Variants in NRTN observed in about 807,000 individuals in gnomAD.
NRTN encodes the protein neurturin.
In NRTN, 3 loss-of-function variants were observed where a neutral mutation model predicts 7.5. That is an observed-to-expected ratio of 0.40 (90% CI 0.18 to 1.03). NRTN has a LOEUF of 1.03. NRTN is among the 50% of genes least tolerant of loss of function. The pLI is 0.34. For missense variants in NRTN, 310 were observed against 307.0 expected, an observed-to-expected ratio of 1.01 and a Z score of -0.07; for synonymous variants, 157 against 146.6, an observed-to-expected ratio of 1.07 and a Z score of -0.51.
At position 5,824,116 on chromosome 19, in the gene NRTN, G is replaced by A. The variant is rs774095438; in HGVS notation, c.-50G>A. ...AGCGCCCTGTGCCCGTTGGCTGCTGGAGGGACAGACGGGGCGTGCGGCTGA... is the reference window on the plus strand; with the variant it reads ...AGCGCCCTGTGCCCGTTGGCTGCTGAAGGGACAGACGGGGCGTGCGGCTGA... On this transcript the variant is annotated 5_prime_UTR_variant, in exon 2 of 3. Coordinates refer to ENST00000303212, the MANE Select transcript of NRTN (RefSeq NM_004558.5). The A allele has an allele frequency of 1.3e-6, 2 of 1,599,006 alleles. No individual in the cohort carries two copies. Among genetic ancestry groups the A allele is most frequent in the Admixed American group, 3.3e-5 (2 of 59,982 alleles).
In NRTN at chr19:5,828,279, C is replaced by T; in HGVS notation, c.*106C>T. On this transcript the variant is annotated 3_prime_UTR_variant, in exon 3 of 3. Transcript: ENST00000303212. ...TGCGTAGAGCACGCCGGCGCGGCCC[C>T]GGGACTCTCGCGATAACTGTACTGA... 2.4e-6 allele frequency: 3 copies of T among 1,269,606 alleles called. No homozygotes were observed. Among genetic ancestry groups the T allele is most frequent in the Middle Eastern group, 2.7e-4 (1 of 3,708 alleles). 78.6% of individuals were successfully genotyped at this position (1,269,606 alleles called of 1,614,324 possible).
chr19:5,809,177 T>G (rs1207422201), intron 1 of NRTN, among the ~76,000 whole-genome samples: 4 of 151,252 alleles, frequency 2.6e-5, no homozygotes, highest in Non-Finnish European at 1.5e-5. Context: ...TGAGTTTTTT[T>G]TTTTTTTTTT....
rs7255720 is a variant in NRTN, at chr19:5,828,053, G to C, written c.474G>C (p.Arg158=). The change falls in exon 3 of 3, where the codon CGG becomes CGC. Residue 158 remains arginine (R), a synonymous_variant. Transcript: ENST00000303212. Reference sequence around the variant, plus strand: ...AGCGGCGGCGCCTGCGGCGGGAGCGGGTGCGCGCGCAGCCCTGCTGCCGCC... The same window carrying C: ...AGCGGCGGCGCCTGCGGCGGGAGCGCGTGCGCGCGCAGCCCTGCTGCCGCC... The part of the protein sequence containing the change: ...LRQRRRLRRE[R]VRAQPCCRPT... 73,799 of 1,427,226 alleles carry C rather than the reference G, an allele frequency of 0.052. 2,535 individuals carry two copies. The highest frequency in any genetic ancestry group is 0.13 in the African/African-American group (8,707 of 66,900). 88.4% of individuals were successfully genotyped at this position (1,427,226 alleles called of 1,614,324 possible).
rs1025268400 is a variant in NRTN, at chr19:5,823,808, C to T, written c.-358C>T. ...CCTCCTTGCTGTTCCTGGGATACGCCACACTCAGTCTGGCCTCGGGGCCTT... is the reference window on the plus strand; with the variant it reads ...CCTCCTTGCTGTTCCTGGGATACGCTACACTCAGTCTGGCCTCGGGGCCTT... On this transcript the variant is annotated 5_prime_UTR_variant, in exon 2 of 3. Transcript: ENST00000303212. The T allele has an allele frequency of 9.7e-6, 4 of 410,966 alleles. No individual in the cohort carries two copies. Among genetic ancestry groups the T allele is most frequent in the African/African-American group, 4.0e-5 (2 of 49,384 alleles). The allele number at this position is 410,966 out of a possible 1,614,324, so 25.5% of individuals were successfully genotyped here.
At chr19:5,823,007 G>T (rs562098300) in intron 1 of NRTN, among the ~76,000 whole-genome samples, 264 of 146,338 alleles carry the variant, frequency 1.8e-3, no homozygotes, top group African/African-American at 6.1e-3. Context: ...CTGGGTGACA[G>T]AGCAAGACCC....
intron 1 of NRTN, among the ~76,000 whole-genome samples, chr19:5,822,495 C>T (rs778812): frequency 0.35 from 53,520 of 152,084 alleles, 9,699 homozygotes; most frequent in East Asian, 0.54. Context: ...GTGTGGTGGG[C>T]GTGTACACGT....
chr19:5,810,602 T>C (rs1458732564), intron 1 of NRTN, among the ~76,000 whole-genome samples: 1 of 152,046 alleles, frequency 6.6e-6, no homozygotes, highest in Non-Finnish European at 1.5e-5. Context: ...TTGCTGGTGT[T>C]GTTATTGTTG....
intron 1 of NRTN, among the ~76,000 whole-genome samples, chr19:5,810,432 G>A (rs1363696607): frequency 6.6e-6 from 1 of 151,936 alleles, no homozygotes; most frequent in Non-Finnish European, 1.5e-5. Context: ...TACTTGCTGT[G>A]TGCCCTTGAA....
Position 5,806,316 on chromosome 19 carries a change from T to C in NRTN, c.-399+865T>C, listed in dbSNP as rs2144753943. ...AACGCATCCGACCTGCCCACAGGCC[T>C]GTGATTACCTGCAGGGCTCGTCATT... On this transcript the variant is annotated intron_variant, in intron 1 of 2. Coordinates refer to ENST00000303212, the MANE Select transcript of NRTN (RefSeq NM_004558.5). The surrounding 1 kb of genome is among the most constrained non-coding windows in gnomAD (Gnocchi z 5.4). Among the ~76,000 whole-genome samples, 1 of 152,124 alleles carries C rather than the reference T, an allele frequency of 6.6e-6. No homozygotes were observed. The highest frequency in any genetic ancestry group is 2.1e-4 in the South Asian group (1 of 4,814).
intron 1 of NRTN, among the ~76,000 whole-genome samples, chr19:5,821,418 C>A (rs984389646): frequency 2.0e-5 from 3 of 150,906 alleles, no homozygotes; most frequent in African/African-American, 7.3e-5. Flanking sequence ...GATTCTCCTG[C>A]CTCAGCCTCC....
chr19:5,812,671 G>T (rs73552420), intron 1 of NRTN, among the ~76,000 whole-genome samples: 207 of 152,318 alleles, frequency 1.4e-3, no homozygotes, highest in African/African-American at 4.8e-3. Context: ...CATTTTTGTG[G>T]GCTGTGGAAT....
At chr19:5,816,357 TTTCTC>T (rs1465322401) in intron 1 of NRTN, among the ~76,000 whole-genome samples, 1 of 152,102 alleles carries the variant, frequency 6.6e-6, no homozygotes, top group African/African-American at 2.4e-5. Flanking sequence ...CTTTTTGTCT[TTTCTC>T]TTCTCATCTT....
At chr19:5,826,540 G>A (rs552433635) in intron 2 of NRTN, among the ~76,000 whole-genome samples, 57 of 152,196 alleles carry the variant, frequency 3.7e-4, no homozygotes, top group Non-Finnish European at 7.5e-4. Context: ...CCAGGAGACA[G>A]ACAGCCCCTC....
chr19:5,825,178 G>A (rs574499506), intron 2 of NRTN, among the ~76,000 whole-genome samples: 7 of 152,082 alleles, frequency 4.6e-5, no homozygotes, highest in Non-Finnish European at 1.0e-4. Flanking sequence ...ACAGACACGG[G>A]CAAAAGTGCT....
rs1183398163 is a variant in NRTN at position 5,824,109 on chromosome 19, G to A, written c.-57G>A. On this transcript the variant is annotated 5_prime_UTR_variant, in exon 2 of 3. Transcript: ENST00000303212. ...CTGGCCCAGCGCCCTGTGCCCGTTG[G>A]CTGCTGGAGGGACAGACGGGGCGTG... 5 of 1,597,690 alleles carry A rather than the reference G, an allele frequency of 3.1e-6. No homozygotes were observed. Among genetic ancestry groups the A allele is most frequent in the Non-Finnish European group, 4.2e-6 (5 of 1,178,818 alleles).
At chr19:5,820,634 C>T (rs911781769) in intron 1 of NRTN, among the ~76,000 whole-genome samples, 8 of 144,714 alleles carry the variant, frequency 5.5e-5, no homozygotes, top group African/African-American at 1.8e-4. Flanking sequence ...GAGGCTGAGG[C>T]AGGAGAATCG....
At chr19:5,816,027 G>A (rs1441106854) in intron 1 of NRTN, among the ~76,000 whole-genome samples, 1 of 152,152 alleles carries the variant, frequency 6.6e-6, no homozygotes, top group Non-Finnish European at 1.5e-5. Context: ...TTACAGGCGT[G>A]AGCCACTGTG....
At position 5,827,816 on chromosome 19, in the gene NRTN, G is replaced by A. The variant is rs1319044374; in HGVS notation, c.237G>A (p.Arg79=). 59 of 1,171,196 alleles carry A rather than the reference G, an allele frequency of 5.0e-5. No homozygotes were observed. Among genetic ancestry groups the A allele is most frequent in the Non-Finnish European group, 6.0e-5 (57 of 950,148 alleles). The allele number at this position is 1,171,196 out of a possible 1,614,324, so 72.6% of individuals were successfully genotyped here. ...ELRELTPWAG[R]PPGPRRRAGP... ...GCGAGCTGACGCCCTGGGCTGGGCG[G>A]CCCCCAGGTCCGCGCCGTCGGGCGG... The change falls in exon 3 of 3, where the codon CGG becomes CGA. Residue 79 remains arginine, a synonymous_variant. Transcript: ENST00000303212.
chr19:5,807,542 G>A (rs1438162435), intron 1 of NRTN, among the ~76,000 whole-genome samples: 1 of 152,164 alleles, frequency 6.6e-6, no homozygotes, highest in Non-Finnish European at 1.5e-5. Flanking sequence ...GAGTGGATAT[G>A]AATGGGGCAT....
Sources: allele counts gnomAD v4.1 joint callset (sites outside exome capture counted in the v4.1 genomes callset), GRCh38; gene constraint gnomAD v4.1.1; non-coding constraint Gnocchi (gnomAD v3.1); transcripts MANE v1.5; gene names NCBI Gene and HGNC (gene_info 2026-07-23, HGNC 2026-07-21).